The following SPATA6L variants were observed in gnomAD, a reference collection of about 807,000 sequenced individuals.
The protein encoded by SPATA6L is spermatogenesis associated 6-like protein.
In SPATA6L, 68 loss-of-function variants were observed where a neutral mutation model predicts 49.2. The ratio of observed to expected loss-of-function variants is 1.38; its 90% CI spans 1.14 to 1.69. The LOEUF (loss-of-function observed/expected upper bound fraction) is 1.69. Among genes scored for constraint, SPATA6L ranks in the 40% most tolerant of loss-of-function variants. The pLI is 0.00. For missense variants in SPATA6L, 668 were observed against 464.3 expected (o/e 1.44, Z -4.03); for synonymous variants, 198 against 165.7 (o/e 1.19, Z -1.50).
intron 6 of SPATA6L, chr9:4,625,107 T>G: frequency 1.4e-6 from 1 of 695,582 alleles, no homozygotes; most frequent in Non-Finnish European, 2.1e-6. Flanking sequence ...TAGGGATGGC[T>G]GACATTTACT....
At chr9:4,663,372 C>T (rs573647815) in intron 1 of SPATA6L, 1 of 1,187,164 alleles carries the variant, frequency 8.4e-7, no homozygotes, top group East Asian at 2.4e-5. Context: ...TTTCAGGCTT[C>T]CTTTGGGATT....
chr9:4,605,266 T>G, intron 10 of SPATA6L, 81 bp downstream of exon 10: 1 of 1,057,846 alleles, frequency 9.5e-7, no homozygotes, highest in African/African-American at 1.6e-5. Flanking sequence ...TTGATTAATG[T>G]CTGTCTCCCC....
chr9:4,662,480 C>A lies in SPATA6L; in HGVS notation c.40-444G>T, dbSNP rs749206546. On this transcript the variant is annotated intron_variant, in intron 1 of 11. Coordinates refer to ENST00000682582, the MANE Select transcript of SPATA6L (RefSeq NM_001353486.2). This position sits in a 1 kb window ranked among gnomAD's most constrained non-coding sequence, Gnocchi z 4.9. ...CAGCCCATGGCGGCGGTGGCGGCGG[C>A]AGCAGGTTTGAGTTCCAGTCCCTGC... 5.8e-6 allele frequency: 9 copies of A among 1,552,410 alleles called. No homozygotes were observed. Among genetic ancestry groups the A allele is most frequent in the African/African-American group, 1.4e-5 (1 of 73,110 alleles).
At chr9:4,623,491 GC>G (rs1396674182) in intron 6 of SPATA6L, among the ~76,000 whole-genome samples, 1 of 151,608 alleles carries the variant, frequency 6.6e-6, no homozygotes, top group Non-Finnish European at 1.5e-5. Flanking sequence ...TTTTAATAAG[GC>G]AGGTTATAAT....
intron 9 of SPATA6L, among the ~76,000 whole-genome samples, chr9:4,611,308 A>G (rs1298957241): frequency 9.5e-5 from 14 of 147,876 alleles, no homozygotes; most frequent in Non-Finnish European, 1.5e-5. Flanking sequence ...GTATATACCC[A>G]AAGGACTATA....
At chr9:4,594,293 T>C (rs1822094846), downstream of SPATA6L, among the ~76,000 whole-genome samples, 4 of 152,232 alleles carry the variant, frequency 2.6e-5, no homozygotes, top group Non-Finnish European at 5.9e-5. Flanking sequence ...CACTGCAAGC[T>C]CTGCCTCCCG....
At position 4,600,424 on chromosome 9, in the gene SPATA6L, G is replaced by A. The variant is rs1822923659; in HGVS notation, c.*387C>T. ...GGAGGATTTATCAGGTTATTCCTGT[G>A]AATAGCAACTTCCTCTAGCTCATAT... On this transcript the variant is annotated 3_prime_UTR_variant, in exon 12 of 12. Transcript: ENST00000682582. 3 of 148,636 alleles carry A rather than the reference G, an allele frequency of 2.0e-5. No individual in the cohort carries two copies. The highest frequency in any genetic ancestry group is 6.8e-5 in the Admixed American group (1 of 14,634). 9.2% of individuals were successfully genotyped at this position (148,636 alleles called of 1,614,324 possible). A position where few individuals can be genotyped will look rare whatever the true frequency, so the allele number is the denominator to read the frequency against.
intron 8 of SPATA6L, 128 bp downstream of exon 8, chr9:4,618,736 C>T (rs1277137147): frequency 2.3e-6 from 2 of 885,088 alleles, no homozygotes; most frequent in Non-Finnish European, 3.5e-6. Context: ...TTCATACAAA[C>T]ACTAAACTAC....
At chr9:4,607,016 A>T (rs1475026641) in intron 9 of SPATA6L, among the ~76,000 whole-genome samples, 3 of 148,986 alleles carry the variant, frequency 2.0e-5, no homozygotes, top group Non-Finnish European at 4.4e-5. Context: ...TCAGGAGCCG[A>T]TGCAATCAAC....
At chr9:4,631,649 A>C (rs543349793) in intron 4 of SPATA6L, among the ~76,000 whole-genome samples, 2 of 152,234 alleles carry the variant, frequency 1.3e-5, no homozygotes, top group Non-Finnish European at 2.9e-5. Context: ...AATAAATCTA[A>C]TTATTAATCA....
At chr9:4,593,755 T>C (rs1418187373), downstream of SPATA6L, among the ~76,000 whole-genome samples, 2 of 152,312 alleles carry the variant, frequency 1.3e-5, no homozygotes, top group Non-Finnish European at 2.9e-5. Flanking sequence ...TAAGTTATTT[T>C]TCCTTGGCTT....
intron 9 of SPATA6L, among the ~76,000 whole-genome samples, chr9:4,615,770 C>G (rs922684471): frequency 3.3e-5 from 5 of 152,060 alleles, no homozygotes; most frequent in Non-Finnish European, 7.4e-5. Context: ...GTGTCCATTG[C>G]CCCCAACAGT....
chr9:4,666,175 C>A (rs770687836), intron 1 of SPATA6L, 37 bp downstream of exon 1: 1 of 1,611,868 alleles, frequency 6.2e-7, no homozygotes, highest in Non-Finnish European at 8.5e-7. Flanking sequence ...TAGAGTCCGA[C>A]TTGAGGTTAA....
intron 7 of SPATA6L, among the ~76,000 whole-genome samples, chr9:4,619,678 A>G (rs1451378049): frequency 3.9e-5 from 6 of 152,206 alleles, no homozygotes; most frequent in Non-Finnish European, 7.3e-5. Flanking sequence ...GCTCTTGAAT[A>G]TATTTGTCCA....
At chr9:4,646,638 A>G (rs1264720827) in intron 3 of SPATA6L, 1 of 473,446 alleles carries the variant, frequency 2.1e-6, no homozygotes, top group Admixed American at 4.0e-5. Flanking sequence ...TAATAATAAA[A>G]ATAATAATTA....
intron 3 of SPATA6L, 136 bp from the exon 4 acceptor site, chr9:4,635,535 A>T: frequency 1.3e-6 from 1 of 768,378 alleles, no homozygotes. Flanking sequence ...ATGTTATTCA[A>T]GAGGAGACTA....
rs140633826 is a variant in SPATA6L at position 4,666,200 on chromosome 9, T to C, written c.39+12A>G. ...CTTGAGGTTAAGGAGGGGGAGTTCA[T>C]CGATCTCTTACCGCCCGGATCTGCA... On this transcript the variant is annotated intron_variant, in intron 1 of 11. Transcript: ENST00000682582. 5 of 1,613,936 alleles carry C rather than the reference T, an allele frequency of 3.1e-6. No individual in the cohort carries two copies. The highest frequency in any genetic ancestry group is 4.2e-6 in the Non-Finnish European group (5 of 1,180,006).
At chr9:4,627,879 A>G (rs1336115330) in intron 5 of SPATA6L, 1 of 1,083,236 alleles carries the variant, frequency 9.2e-7, no homozygotes, top group Non-Finnish European at 1.2e-6. Context: ...CAACAGATGA[A>G]TGGATAAAGA....
chr9:4,627,403 A>T (rs1830555072), intron 5 of SPATA6L: 1 of 168,266 alleles, frequency 5.9e-6, no homozygotes, highest in Admixed American at 5.7e-5. Context: ...AAGAGTTTTG[A>T]TAGATTTGCA....
Sources: allele counts gnomAD v4.1 joint callset (sites outside exome capture counted in the v4.1 genomes callset), GRCh38; gene constraint gnomAD v4.1.1; non-coding constraint Gnocchi (gnomAD v3.1); transcripts MANE v1.5; gene names NCBI Gene and HGNC (gene_info 2026-07-23, HGNC 2026-07-21).